Variants in RASA2 observed in about 807,000 individuals in gnomAD.
The protein encoded by RASA2 is RAS p21 protein activator 2, also known as ras GTPase-activating protein 2.
RASA2 carries 155 observed loss-of-function variants against 118.2 expected under a neutral mutation model. The ratio of observed to expected loss-of-function variants is 1.31; its 90% CI spans 1.15 to 1.50. The LOEUF (loss-of-function observed/expected upper bound fraction) is 1.50, where lower values mean the gene tolerates loss of function less well. RASA2 is among the 40% of genes most tolerant of loss of function. The pLI is 0.00. For missense variants in RASA2, 1,016 were observed against 1,009.6 expected (o/e 1.01, Z -0.09); for synonymous variants, 353 against 349.1 (o/e 1.01, Z -0.12).
At chr3:141,603,680 G>A (rs2083501730) in intron 19 of RASA2, among the ~76,000 whole-genome samples, 1 of 152,066 alleles carries the variant, frequency 6.6e-6, no homozygotes, top group African/African-American at 2.4e-5. Flanking sequence ...TTGCGCAATT[G>A]CCACTAATTC....
At chr3:141,610,141 A>G in intron 23 of RASA2, 75 bp downstream of exon 23, 1 of 1,249,310 alleles carries the variant, frequency 8.0e-7, no homozygotes, top group Non-Finnish European at 1.1e-6. Context: ...CCAACCTCAC[A>G]CCTCCTGCTC....
At position 141,573,187 on chromosome 3, in the gene RASA2, A is replaced by C. The variant is rs781264949; in HGVS notation, c.1325A>C (p.Lys442Thr). ...SSKSCEIDPIKLKEGDNVENN... is the reference protein window; with the variant it reads ...SSKSCEIDPITLKEGDNVENN... ...AAATCCTGTGAAATCGATCCTATTAAATTGAAAGAGGGAGATAATGTAGAA... is the reference window on the plus strand; with the variant it reads ...AAATCCTGTGAAATCGATCCTATTACATTGAAAGAGGGAGATAATGTAGAA... The change falls in exon 13 of 24, where the codon AAA (lysine) becomes ACA (threonine). Residue 442 changes from lysine (K) to threonine (T), a missense_variant. This residue lies in a region of RASA2 where 896 missense variants were observed against 836.4 expected (regional missense o/e 1.07). Transcript: ENST00000286364. The C allele has an allele frequency of 6.5e-7, 1 of 1,542,926 alleles. No individual in the cohort carries two copies.
intron 14 of RASA2, among the ~76,000 whole-genome samples, chr3:141,575,958 G>C (rs187923483): frequency 3.2e-4 from 48 of 152,176 alleles, no homozygotes; most frequent in African/African-American, 1.1e-3. Context: ...TGTATTTTTA[G>C]TATAGATGGG....
chr3:141,519,820 G>A (rs961004491), intron 3 of RASA2, among the ~76,000 whole-genome samples: 3 of 151,858 alleles, frequency 2.0e-5, no homozygotes, highest in Admixed American at 6.6e-5. Flanking sequence ...AGTAAGACTC[G>A]TTGCTCATCA....
At chr3:141,514,825 A>G (rs549075594) in intron 2 of RASA2, among the ~76,000 whole-genome samples, 5 of 152,380 alleles carry the variant, frequency 3.3e-5, no homozygotes, top group South Asian at 2.1e-4. Flanking sequence ...CTATGCAGCA[A>G]TTAAAACAGT....
rs147167132 is a variant in RASA2, at chr3:141,572,488, C to T, written c.1170-121C>T. On this transcript the variant is annotated intron_variant, in intron 11 of 23. Transcript: ENST00000286364. ...TACTAAAATTGTAGGTCACTTATGC[C>T]TTCTAGTATGTCTTAATCTATTTCA... The T allele has an allele frequency of 2.3e-3, 1,532 of 664,858 alleles. 21 individuals are homozygous for T. The highest frequency in any genetic ancestry group is 0.02 in the East Asian group (686 of 33,836). 41.2% of individuals were successfully genotyped at this position (664,858 alleles called of 1,614,324 possible). A position where few individuals can be genotyped will look rare whatever the true frequency, so the allele number is the denominator to read the frequency against.
chr3:141,528,254 T>G (rs1164195237), intron 3 of RASA2, among the ~76,000 whole-genome samples: 1 of 151,998 alleles, frequency 6.6e-6, no homozygotes, highest in African/African-American at 2.4e-5. Flanking sequence ...TCTTTACAGT[T>G]TGAATTCCAA....
Position 141,600,479 on chromosome 3 carries a change from C to T in RASA2, c.1934-7199C>T, listed in dbSNP as rs147656048. 806 of 329,100 alleles carry T rather than the reference C, an allele frequency of 2.4e-3. 9 individuals carry two copies. The highest frequency in any genetic ancestry group is 0.016 in the African/African-American group (743 of 45,390). The allele number at this position is 329,100 out of a possible 1,614,324, so 20.4% of individuals were successfully genotyped here. ...TTGCGCTCCTTATTAGACAGCTCGG[C>T]GACCTACTTGGTCACAGCCTTCATG... On this transcript the variant is annotated intron_variant, in intron 19 of 23. Transcript: ENST00000286364.
At chr3:141,525,469 G>GT in intron 3 of RASA2, 1 of 151,990 alleles carries the variant, frequency 6.6e-6, no homozygotes, top group East Asian at 1.9e-4. Flanking sequence ...TTTGAAGTTG[G>GT]TAACTTCATA....
intron 5 of RASA2, among the ~76,000 whole-genome samples, chr3:141,541,381 G>C (rs890265041): frequency 6.6e-6 from 1 of 151,660 alleles, no homozygotes; most frequent in African/African-American, 2.4e-5. Flanking sequence ...GCTCCTTTGA[G>C]GTATTCTATC....
intron 19 of RASA2, among the ~76,000 whole-genome samples, chr3:141,599,803 A>C (rs921922592): frequency 6.6e-6 from 1 of 151,450 alleles, no homozygotes; most frequent in Admixed American, 6.6e-5. Context: ...ACTAAAAAGG[A>C]ATACATTAAG....
chr3:141,610,978 C>T (rs568861211), intron 23 of RASA2, among the ~76,000 whole-genome samples: 2 of 152,128 alleles, frequency 1.3e-5, no homozygotes, highest in Non-Finnish European at 2.9e-5. Context: ...TGGACCACTT[C>T]AGGTGTAGAT....
At chr3:141,530,189 C>T (rs781039255) in intron 4 of RASA2, among the ~76,000 whole-genome samples, 1 of 152,122 alleles carries the variant, frequency 6.6e-6, no homozygotes, top group Non-Finnish European at 1.5e-5. Flanking sequence ...TGTTTACTCT[C>T]TAGTAAACTG....
Position 141,547,437 on chromosome 3 carries a change from A to G in RASA2, c.528-6420A>G, listed in dbSNP as rs79101304. Reference sequence around the variant, plus strand: ...TCACTTCTGTGGTTAATTCCTAGCTATTTTGTTTTATTTGTAGCTATTGTG... The same window carrying G: ...TCACTTCTGTGGTTAATTCCTAGCTGTTTTGTTTTATTTGTAGCTATTGTG... On this transcript the variant is annotated intron_variant, in intron 5 of 23. Transcript: ENST00000286364. 2.7e-4 allele frequency among the ~76,000 whole-genome samples: 41 copies of G among 151,962 alleles called. 1 individual carries two copies. In the East Asian group the frequency reaches 7.9e-3, roughly 29 times the overall value.
chr3:141,530,041 C>G lies in RASA2; in HGVS notation c.450+239C>G, dbSNP rs200735013. ...TTTGTGGAGATTAGGGCATTTCTTT[C>G]TTACCTTCTGTTTGAGTCACAATAG... On this transcript the variant is annotated intron_variant, in intron 4 of 23. Transcript: ENST00000286364. Among the ~76,000 whole-genome samples the G allele has an allele frequency of 2.7e-5, 4 of 149,594 alleles. No individual in the cohort carries two copies. The East Asian group carries it at 7.9e-4, about 30-fold the overall frequency.
chr3:141,581,120 C>T lies in RASA2; in HGVS notation c.1695C>T (p.Phe565=). ...CTTAGTCAAGTTTCAAAGAGACATTCATGTGTGAATTTTTCAAAATGTTTC... is the reference window on the plus strand; with the variant it reads ...CTTAGTCAAGTTTCAAAGAGACATTTATGTGTGAATTTTTCAAAATGTTTC... ...SKSKSSFKET[F]MCEFFKMFQE... The change falls in exon 17 of 24, where the codon TTC becomes TTT. Residue 565 remains phenylalanine, a synonymous_variant. Coordinates refer to ENST00000286364, the MANE Select transcript of RASA2 (RefSeq NM_006506.5). The T allele has an allele frequency of 6.5e-7, 1 of 1,538,192 alleles. No individual in the cohort carries two copies. Among genetic ancestry groups the T allele is most frequent in the Non-Finnish European group, 8.7e-7 (1 of 1,150,424 alleles).
intron 7 of RASA2, among the ~76,000 whole-genome samples, chr3:141,557,588 G>T (rs2082668997): frequency 6.6e-6 from 1 of 152,148 alleles, no homozygotes; most frequent in Non-Finnish European, 1.5e-5. Flanking sequence ...TTAAGTAAAT[G>T]ATTTTGAGCC....
chr3:141,583,359 A>G (rs1453311698), intron 17 of RASA2, among the ~76,000 whole-genome samples: 1 of 152,158 alleles, frequency 6.6e-6, no homozygotes, highest in Non-Finnish European at 1.5e-5. Flanking sequence ...CAGGAGGTAG[A>G]GGTTGCAGTG....
intron 5 of RASA2, among the ~76,000 whole-genome samples, chr3:141,541,143 A>G (rs1241732323): frequency 6.6e-6 from 1 of 152,098 alleles, no homozygotes; most frequent in Non-Finnish European, 1.5e-5. Flanking sequence ...TTACTCTGTG[A>G]TATCAATAGA....
Sources: gnomAD v4.1 joint callset for allele counts (sites outside exome capture counted in the v4.1 genomes callset) on GRCh38, gnomAD v4.1.1 for gene constraint, gnomAD v4.1.1 regional missense constraint, MANE v1.5 for transcripts, NCBI Gene and HGNC (gene_info 2026-07-23, HGNC 2026-07-21) for gene names.